The following ADGRF5 variants were observed in gnomAD, a reference collection of about 807,000 sequenced individuals.
The protein encoded by ADGRF5 is G-protein coupled receptor 116.
ADGRF5 carries 75 observed loss-of-function variants against 132.3 expected under a neutral mutation model. The ratio of observed to expected loss-of-function variants is 0.57; its 90% CI spans 0.47 to 0.69. The LOEUF (loss-of-function observed/expected upper bound fraction) is 0.69, where lower values mean the gene tolerates loss of function less well. Ranked by LOEUF, ADGRF5 falls within the 30% of genes least tolerant of loss-of-function variation. ADGRF5 has a pLI of 0.00. For missense variants in ADGRF5, 1,516 were observed against 1,630.6 expected (o/e 0.93, Z 1.21); for synonymous variants, 629 against 597.6 (o/e 1.05, Z -0.77).
At chr6:46,863,289 C>A (rs1770008533) in intron 14 of ADGRF5, 193 bp from the exon 15 acceptor site, 2 of 681,188 alleles carry the variant, frequency 2.9e-6, no homozygotes, top group African/African-American at 1.8e-5. Context: ...TCCACATGAA[C>A]CTGACTTCTG....
intron 1 of ADGRF5, among the ~76,000 whole-genome samples, chr6:46,944,494 C>T (rs902135593): frequency 7.9e-5 from 12 of 152,100 alleles, no homozygotes; most frequent in African/African-American, 2.2e-4. Context: ...CCTGCTCCTA[C>T]CCCCATCTTC....
intron 15 of ADGRF5, among the ~76,000 whole-genome samples, chr6:46,862,654 G>T (rs777931066): frequency 7.1e-6 from 1 of 140,954 alleles, no homozygotes; most frequent in Non-Finnish European, 1.5e-5. Context: ...GTATCTAGTC[G>T]GTCTGAGAGC....
At chr6:46,930,920 G>A (rs914533154) in intron 1 of ADGRF5, among the ~76,000 whole-genome samples, 1 of 152,064 alleles carries the variant, frequency 6.6e-6, no homozygotes, top group African/African-American at 2.4e-5. Flanking sequence ...CAGACATGGT[G>A]GTGCACACCT....
At position 46,858,571 on chromosome 6, in the gene ADGRF5, A is replaced by G; in HGVS notation, c.3332T>C (p.Leu1111Pro). The G allele has an allele frequency of 6.2e-7, 1 of 1,614,044 alleles. No homozygotes were observed. Among genetic ancestry groups the G allele is most frequent in the Non-Finnish European group, 8.5e-7 (1 of 1,179,948 alleles). Residue 1111 changes from leucine (L) to proline (P), a missense_variant, in exon 17 of 21, where the codon CTG (leucine) becomes CCG (proline). Around this residue, in one of 2 missense-constraint regions of ADGRF5, gnomAD observed 571 missense variants for 701.2 expected, o/e 0.81. Transcript: ENST00000283296. ...FFWMLTLGLMLFYRLVFILHE... is the reference protein window; with the variant it reads ...FFWMLTLGLMPFYRLVFILHE... ...CAGAATGAAAACCAGGCGATAGAAC[A>G]GCATGAGGCCCAGTGTCAGCATCCA...
chr6:46,947,031 G>A (rs192904999), intron 1 of ADGRF5, among the ~76,000 whole-genome samples: 70 of 152,302 alleles, frequency 4.6e-4, no homozygotes, highest in Admixed American at 1.6e-3. Context: ...CGTTGAGTTT[G>A]TGTGTTTGTA....
At chr6:46,889,074 T>C (rs1158312590) in intron 3 of ADGRF5, among the ~76,000 whole-genome samples, 1 of 151,774 alleles carries the variant, frequency 6.6e-6, no homozygotes, top group Non-Finnish European at 1.5e-5. Context: ...TCATTGTTTT[T>C]CCAAATTGTC....
intron 1 of ADGRF5, among the ~76,000 whole-genome samples, chr6:46,928,492 G>A (rs1260827610): frequency 3.3e-5 from 5 of 152,080 alleles, no homozygotes; most frequent in African/African-American, 1.2e-4. Context: ...CCTCTTCACT[G>A]AGCGCTCCAT....
At chr6:46,939,862 C>G (rs1042120866) in intron 1 of ADGRF5, among the ~76,000 whole-genome samples, 1 of 152,162 alleles carries the variant, frequency 6.6e-6, no homozygotes, top group Non-Finnish European at 1.5e-5. Flanking sequence ...TTCTCAATGG[C>G]ATTTACATTT....
rs535507763 is a variant in ADGRF5, at chr6:46,876,056, T to A, written c.1240+2146A>T. ...AGGTCATTCATTCAGTTCCAAATGCTTTGGGTAAATTCTTTTGCTTGATTG... is the reference window on the plus strand; with the variant it reads ...AGGTCATTCATTCAGTTCCAAATGCATTGGGTAAATTCTTTTGCTTGATTG... On this transcript the variant is annotated intron_variant, in intron 10 of 20. Transcript: ENST00000283296. 4.1e-4 allele frequency among the ~76,000 whole-genome samples: 63 copies of A among 152,340 alleles called. 2 individuals carry two copies. In the South Asian group the frequency reaches 0.013, roughly 31 times the overall value.
At position 46,862,869 on chromosome 6, in the gene ADGRF5, T is replaced by C. The variant is rs1451391807; in HGVS notation, c.2199+19A>G. 3 of 1,519,296 alleles carry C rather than the reference T, an allele frequency of 2.0e-6. No individual in the cohort carries two copies. The highest frequency in any genetic ancestry group is 2.7e-6 in the Non-Finnish European group (3 of 1,106,076). 94.1% of individuals were successfully genotyped at this position (1,519,296 alleles called of 1,614,324 possible). On this transcript the variant is annotated intron_variant, in intron 15 of 20. Transcript: ENST00000283296. ...AGATCGCCCCACCAAGAGCTCAGAG[T>C]GGAAGCTTTAAGGATCACCTTAGCC... is the stretch of plus-strand genomic sequence containing the variant.
chr6:46,939,004 GGGACTACA>G (rs1020577719), intron 1 of ADGRF5, among the ~76,000 whole-genome samples: 5 of 151,938 alleles, frequency 3.3e-5, no homozygotes, highest in Non-Finnish European at 7.4e-5. Context: ...CCAAGTAGCT[GGGACTACA>G]GGTGAGTGCC....
At chr6:46,953,489 G>A (rs1366023843) in intron 1 of ADGRF5, among the ~76,000 whole-genome samples, 3 of 151,614 alleles carry the variant, frequency 2.0e-5, no homozygotes, top group African/African-American at 7.3e-5. Flanking sequence ...GGGCGTGGTG[G>A]TGCGTGCCTG....
chr6:46,887,734 T>C (rs1773198735), intron 4 of ADGRF5, among the ~76,000 whole-genome samples: 1 of 152,222 alleles, frequency 6.6e-6, no homozygotes, highest in South Asian at 2.1e-4. Context: ...GGAAGCCTTA[T>C]CTCACAACTT....
intron 2 of ADGRF5, among the ~76,000 whole-genome samples, chr6:46,902,278 G>A (rs867767154): frequency 4.6e-5 from 7 of 152,090 alleles, no homozygotes; most frequent in Non-Finnish European, 7.4e-5. Context: ...AGTGGCCACT[G>A]GGAGCTTTCT....
intron 1 of ADGRF5, among the ~76,000 whole-genome samples, chr6:46,942,225 A>G (rs1416152630): frequency 6.6e-6 from 1 of 151,998 alleles, no homozygotes; most frequent in Non-Finnish European, 1.5e-5. Flanking sequence ...TGCTCTATTT[A>G]TGGGCTCCTC....
intron 1 of ADGRF5, among the ~76,000 whole-genome samples, chr6:46,928,286 G>A (rs1032480490): frequency 3.3e-5 from 5 of 152,120 alleles, no homozygotes; most frequent in African/African-American, 1.2e-4. Flanking sequence ...CACATTCCTA[G>A]TATGTTGTGT....
rs1769975069 is a variant in ADGRF5, at chr6:46,863,030, A to G, written c.2057T>C (p.Leu686Pro). Reference sequence around the variant, plus strand: ...GCTGGGAACGTTTGAGAACCGGCATAGCTTCTGGATGACTTTCCCCGGCTC... The same window carrying G: ...GCTGGGAACGTTTGAGAACCGGCATGGCTTCTGGATGACTTTCCCCGGCTC... Reference protein sequence around the residue: ...VGEPGKVIQKLCRFSNVPSSP... With the variant: ...VGEPGKVIQKPCRFSNVPSSP... Residue 686 changes from leucine to proline, a missense_variant, in exon 15 of 21, where the codon CTA becomes CCA. By Grantham distance (98) the Leu-to-Pro change is moderately conservative (BLOSUM62 -3). Coordinates refer to ENST00000283296, the MANE Select transcript of ADGRF5 (RefSeq NM_001098518.2). 1.2e-6 allele frequency: 2 copies of G among 1,613,930 alleles called. No homozygotes were observed. The highest frequency in any genetic ancestry group is 1.7e-6 in the Non-Finnish European group (2 of 1,179,960).
At position 46,872,460 on chromosome 6, in the gene ADGRF5, AAGAACAGATGTC is replaced by A. The variant is rs1252674113; in HGVS notation, c.1241-459_1241-448del. 3.3e-5 allele frequency among the ~76,000 whole-genome samples: 5 copies of A among 152,336 alleles called. No homozygotes were observed. The East Asian group carries it at 9.6e-4, about 29-fold the overall frequency. On this transcript the variant is annotated intron_variant, in intron 10 of 20. Transcript: ENST00000283296. ...AGCTGTTTGGGTATGATTTAACTGG[AAGAACAGATGTC>A]AGATTATTTAGATTATTATGATTAT...
At chr6:46,950,854 T>C (rs1486706911) in intron 1 of ADGRF5, among the ~76,000 whole-genome samples, 1 of 152,220 alleles carries the variant, frequency 6.6e-6, no homozygotes, top group Non-Finnish European at 1.5e-5. Context: ...GCACTTTAGA[T>C]AATTAATCTT....
Sources: gnomAD v4.1 joint callset for allele counts (sites outside exome capture counted in the v4.1 genomes callset) on GRCh38, gnomAD v4.1.1 for gene constraint, gnomAD v4.1.1 regional missense constraint, MANE v1.5 for transcripts, NCBI Gene and HGNC (gene_info 2026-07-23, HGNC 2026-07-21) for gene names.